The following NAALADL2 variants were observed in gnomAD, a reference collection of about 807,000 sequenced individuals.
NAALADL2 encodes inactive N-acetylated-alpha-linked acidic dipeptidase-like protein 2.
In NAALADL2, 76 loss-of-function variants were observed where a neutral mutation model predicts 87.2. The observed-to-expected ratio is 0.87, with a 90% CI of 0.72 to 1.05. NAALADL2 has a LOEUF of 1.05. NAALADL2 is among the 50% of genes least tolerant of loss of function. The pLI, the probability that NAALADL2 is intolerant of heterozygous loss-of-function variation, is 0.00. For synonymous variants in NAALADL2, 354 were observed against 331.0 expected (o/e 1.07, Z -0.75); for missense variants, 1,089 against 945.8 (o/e 1.15, Z -1.99).
intron 11 of NAALADL2, among the ~76,000 whole-genome samples, chr3:175,667,747 T>C (rs990582480): frequency 6.6e-6 from 1 of 150,444 alleles, no homozygotes; most frequent in Non-Finnish European, 1.5e-5. Context: ...TTTGCTGTTT[T>C]TTTTTTTTTT....
chr3:175,666,057 C>T (rs527400646), intron 11 of NAALADL2, among the ~76,000 whole-genome samples: 1 of 152,084 alleles, frequency 6.6e-6, no homozygotes, highest in Non-Finnish European at 1.5e-5. Flanking sequence ...GATTAAGAAA[C>T]TTATTCAGTC....
At chr3:174,832,565 C>T (rs1398920266) in intron 3 of NAALADL2, among the ~76,000 whole-genome samples, 2 of 152,034 alleles carry the variant, frequency 1.3e-5, no homozygotes, top group Admixed American at 6.6e-5. Flanking sequence ...AGGTTCACGC[C>T]ATTCTCCTGC....
intron 2 of NAALADL2, among the ~76,000 whole-genome samples, chr3:175,167,873 A>C (rs1734214937): frequency 6.6e-6 from 1 of 152,010 alleles, no homozygotes; most frequent in African/African-American, 2.4e-5. Context: ...GTTTTGCAGC[A>C]GCAGTTGTCA....
At chr3:175,131,751 G>A (rs1239635325) in intron 2 of NAALADL2, among the ~76,000 whole-genome samples, 1 of 150,936 alleles carries the variant, frequency 6.6e-6, no homozygotes, top group Non-Finnish European at 1.5e-5. Flanking sequence ...CCCCGGACAG[G>A]GCGGCTGGCC....
intron 1 of NAALADL2, among the ~76,000 whole-genome samples, chr3:174,519,423 G>C (rs2108407822): frequency 6.6e-6 from 1 of 151,312 alleles, no homozygotes; most frequent in South Asian, 2.1e-4. Flanking sequence ...CTGCTTCCTG[G>C]GTTCAAGTGA....
intron 1 of NAALADL2, among the ~76,000 whole-genome samples, chr3:174,966,169 A>G (rs1742832425): frequency 6.6e-6 from 1 of 152,114 alleles, no homozygotes; most frequent in Non-Finnish European, 1.5e-5. Flanking sequence ...TGCCACATCA[A>G]TCTTCTTAAA....
intron 13 of NAALADL2, among the ~76,000 whole-genome samples, chr3:175,765,324 TAA>T (rs1460154790): frequency 2.6e-5 from 4 of 152,128 alleles, no homozygotes; most frequent in Admixed American, 6.6e-5. Context: ...TTAATATTTT[TAA>T]AGTTTCCATT....
chr3:174,448,415 G>A (rs1715220966), intron 1 of NAALADL2, among the ~76,000 whole-genome samples: 1 of 152,108 alleles, frequency 6.6e-6, no homozygotes, highest in Admixed American at 6.5e-5. Flanking sequence ...AGAATCAGAG[G>A]TATTTAATTT....
intron 2 of NAALADL2, among the ~76,000 whole-genome samples, chr3:175,228,901 C>A (rs1271399248): frequency 6.6e-6 from 1 of 151,754 alleles, no homozygotes; most frequent in African/African-American, 2.4e-5. Context: ...AAAATATTTG[C>A]AAAATATATC....
chr3:175,387,667 T>C (rs1394798741), intron 5 of NAALADL2, among the ~76,000 whole-genome samples: 1 of 152,106 alleles, frequency 6.6e-6, no homozygotes, highest in African/African-American at 2.4e-5. Flanking sequence ...ATTTGTTGAA[T>C]ATACTAAAAG....
intron 2 of NAALADL2, among the ~76,000 whole-genome samples, chr3:175,113,519 C>T (rs961407004): frequency 3.3e-5 from 5 of 151,488 alleles, no homozygotes; most frequent in East Asian, 1.9e-4. Flanking sequence ...CATATTTTAC[C>T]GAGCTACCCA....
At chr3:175,136,533 A>G (rs1265300940) in intron 2 of NAALADL2, among the ~76,000 whole-genome samples, 1 of 152,206 alleles carries the variant, frequency 6.6e-6, no homozygotes, top group Non-Finnish European at 1.5e-5. Context: ...AGGGTCAGAG[A>G]AAACTATGTA....
intron 2 of NAALADL2, among the ~76,000 whole-genome samples, chr3:174,677,620 C>T (rs181341784): frequency 6.6e-6 from 1 of 152,180 alleles, no homozygotes; most frequent in East Asian, 1.9e-4. Context: ...TCTCTAGTCA[C>T]AACATTTTTA....
chr3:175,696,185 T>C (rs1041262111), intron 11 of NAALADL2, among the ~76,000 whole-genome samples: 11 of 152,162 alleles, frequency 7.2e-5, no homozygotes, highest in African/African-American at 1.9e-4. Context: ...GTTTATGTAA[T>C]ATACATTAGT....
At chr3:175,494,001 ATGT>A (rs1364498104) in intron 9 of NAALADL2, among the ~76,000 whole-genome samples, 6 of 152,138 alleles carry the variant, frequency 3.9e-5, no homozygotes, top group South Asian at 4.1e-4. Flanking sequence ...GGCTTAAAAA[ATGT>A]TGTCTCATGT....
At chr3:175,221,650 T>A (rs1324817222) in intron 2 of NAALADL2, among the ~76,000 whole-genome samples, 1 of 152,154 alleles carries the variant, frequency 6.6e-6, no homozygotes, top group Non-Finnish European at 1.5e-5. Context: ...GGACAATATA[T>A]CTGTTTTTAT....
At chr3:175,436,398 T>C (rs1178041777) in intron 5 of NAALADL2, among the ~76,000 whole-genome samples, 16 of 148,534 alleles carry the variant, frequency 1.1e-4, no homozygotes, top group Admixed American at 6.9e-5. Context: ...ATGGTATTTC[T>C]AGTTCTAGAT....
chr3:175,441,782 A>G (rs1188388315), intron 5 of NAALADL2, among the ~76,000 whole-genome samples: 1 of 152,054 alleles, frequency 6.6e-6, no homozygotes, highest in Non-Finnish European at 1.5e-5. Context: ...CATCATCATT[A>G]AAACACACCA....
chr3:175,519,167 A>T (rs1389155232), intron 9 of NAALADL2, among the ~76,000 whole-genome samples: 3 of 152,180 alleles, frequency 2.0e-5, no homozygotes, highest in Non-Finnish European at 4.4e-5. Flanking sequence ...CAGACAAACC[A>T]AGTAGGTCAG....
Sources: gnomAD v4.1 joint callset for allele counts (sites outside exome capture counted in the v4.1 genomes callset) on GRCh38, gnomAD v4.1.1 for gene constraint, MANE v1.5 for transcripts, NCBI Gene and HGNC (gene_info 2026-07-23, HGNC 2026-07-21) for gene names.